Variants in HAS1 observed in about 807,000 individuals in gnomAD.
HAS1 encodes HA synthase 1.
A neutral mutation model predicts 35.0 loss-of-function variants in HAS1; 27 were observed. The ratio of observed to expected loss-of-function variants is 0.77; its 90% CI spans 0.57 to 1.06. The LOEUF is 1.06. HAS1 is among the 50% of genes least tolerant of loss of function. HAS1 has a pLI of 0.00. For synonymous variants in HAS1, 409 were observed against 371.2 expected, an observed-to-expected ratio of 1.10 and a Z score of -1.17; for missense variants, 940 against 814.8, an observed-to-expected ratio of 1.15 and a Z score of -1.87.
chr19:51,718,685 C>T (rs1396528780), intron 2 of HAS1, among the ~76,000 whole-genome samples: 3 of 152,274 alleles, frequency 2.0e-5, no homozygotes, highest in South Asian at 2.1e-4. Context: ...TATAGGCATT[C>T]GCCACCATGC....
intron 1 of HAS1, 52 bp from the exon 2 acceptor site, chr19:51,719,947 C>A (rs745493232): frequency 2.5e-6 from 3 of 1,217,302 alleles, no homozygotes; most frequent in Non-Finnish European, 3.4e-6. Flanking sequence ...GGCGCATGAG[C>A]CTCCTCCGAG....
chr19:51,715,516 T>A (rs1329282050), intron 4 of HAS1, among the ~76,000 whole-genome samples: 1 of 152,194 alleles, frequency 6.6e-6, no homozygotes, highest in Non-Finnish European at 1.5e-5. Context: ...TTCTACTTAT[T>A]TATTTCTTGT....
At chr19:51,722,274 C>T (rs2083636523) in intron 1 of HAS1, among the ~76,000 whole-genome samples, 4 of 152,116 alleles carry the variant, frequency 2.6e-5, no homozygotes, top group Admixed American at 6.5e-5. Flanking sequence ...TTACTTGATT[C>T]GGTTATTGGA....
At position 51,716,247 on chromosome 19, in the gene HAS1, T is replaced by C. The variant is rs2083585353; in HGVS notation, c.1058+9A>G. On this transcript the variant is annotated intron_variant, in intron 4 of 4. Transcript: ENST00000540069. ...ACACATACCCGACCACCTGGTCCCC[T>C]CAGCTTACTTGGTAGCATAACCCAT... 1.2e-6 allele frequency: 2 copies of C among 1,611,494 alleles called. No homozygotes were observed. Among genetic ancestry groups the C allele is most frequent in the East Asian group, 4.5e-5 (2 of 44,878 alleles).
In HAS1 at chr19:51,716,293, G is replaced by T. The variant is rs750817116; in HGVS notation, c.1021C>A (p.Leu341Ile). 11 of 1,613,864 alleles carry T rather than the reference G, an allele frequency of 6.8e-6. No homozygotes were observed. Among genetic ancestry groups the T allele is most frequent in the Middle Eastern group, 1.6e-4 (1 of 6,084 alleles). ...THCTFGDDRH[L>I]TNRMLSMGYA... ...CCCATGCTGAGCATGCGGTTGGTGA[G>T]GTGCCGGTCATCCCCAAAAGTACAG... The change falls in exon 4 of 5, where the codon CTC becomes ATC. Residue 341 changes from leucine (L) to isoleucine (I), a missense_variant. By Grantham distance (5) the Leu-to-Ile change is conservative. Transcript: ENST00000540069.
At chr19:51,714,820 A>G (rs1037950445) in intron 4 of HAS1, among the ~76,000 whole-genome samples, 2 of 152,096 alleles carry the variant, frequency 1.3e-5, no homozygotes, top group Non-Finnish European at 2.9e-5. Flanking sequence ...CGTTTTTACT[A>G]TGACTATTGC....
At chr19:51,723,049 C>T (rs575664421) in intron 1 of HAS1, among the ~76,000 whole-genome samples, 3 of 152,292 alleles carry the variant, frequency 2.0e-5, no homozygotes, top group East Asian at 3.9e-4. Context: ...CCTGGCCTTG[C>T]CTGAGTTCCT....
At position 51,713,648 on chromosome 19, in the gene HAS1, G is replaced by A; in HGVS notation, c.1513C>T (p.Leu505=). ...AGCAGCAGCAGCGCCCAGAGCGCCA[G>A]GGGCAGCAGAGGGACGTAGTTAGCG... The part of the protein sequence containing the change: ...LAANYVPLLP[L]ALWALLLLGG... The change falls in exon 5 of 5, where the codon CTG becomes TTG. Residue 505 remains leucine, a synonymous_variant. Coordinates refer to ENST00000540069, the MANE Select transcript of HAS1 (RefSeq NM_001297436.2). The surrounding 1 kb of genome is among the most constrained non-coding windows in gnomAD (Gnocchi z 4.5). 1 of 1,573,188 alleles carries A rather than the reference G, an allele frequency of 6.4e-7. No homozygotes were observed. Among genetic ancestry groups the A allele is most frequent in the Non-Finnish European group, 8.6e-7 (1 of 1,160,256 alleles).
At chr19:51,722,921 G>GGA (rs1440044249) in intron 1 of HAS1, among the ~76,000 whole-genome samples, 8 of 152,152 alleles carry the variant, frequency 5.3e-5, no homozygotes, top group African/African-American at 1.9e-4. Context: ...TTTTAAATTA[G>GGA]ATATTGTGGT....
At chr19:51,720,171 G>A (rs1310587336) in intron 1 of HAS1, among the ~76,000 whole-genome samples, 1 of 150,766 alleles carries the variant, frequency 6.6e-6, no homozygotes, top group Non-Finnish European at 1.5e-5. Flanking sequence ...CCAGCCTAGT[G>A]TCGCCATCTA....
In HAS1 at chr19:51,714,050, A is replaced by G; in HGVS notation, c.1111T>C (p.Trp371Arg). 6.2e-7 allele frequency: 1 copy of G among 1,613,854 alleles called. No individual in the cohort carries two copies. The highest frequency in any genetic ancestry group is 8.5e-7 in the Non-Finnish European group (1 of 1,179,908). ...YSETPSSFLR[W>R]LSQQTRWSKS... ...GACCAGCGTGTCTGCTGGCTCAGCC[A>G]CCGCAGGAAGGACGAGGGCGTCTCT... The change falls in exon 5 of 5, where the codon TGG (tryptophan) becomes CGG (arginine). Residue 371 changes from tryptophan to arginine, a missense_variant. Physicochemically the swap from Trp to Arg is moderately radical, Grantham distance 101 (BLOSUM62 -3). Coordinates refer to ENST00000540069, the MANE Select transcript of HAS1 (RefSeq NM_001297436.2).
chr19:51,719,663 G>GCCA lies in HAS1; in HGVS notation c.239_241dup (p.Val80dup), dbSNP rs1196522619. 6.5e-7 allele frequency: 1 copy of GCCA among 1,541,618 alleles called. No individual in the cohort carries two copies. Among genetic ancestry groups the GCCA allele is most frequent in the South Asian group, 1.2e-5 (1 of 83,688 alleles). On this transcript the variant is annotated inframe_insertion, in exon 2 of 5. Coordinates refer to ENST00000540069, the MANE Select transcript of HAS1 (RefSeq NM_001297436.2). ...ATCCAGCGGCCCCCGCGCCGCCGCC[G>GCCA]CCACCCGCCGGTGCTCCAGGTACGC...
Position 51,713,654 on chromosome 19 carries a change from G to A in HAS1, c.1507C>T (p.Leu503=), listed in dbSNP as rs2083558141. ...AGCAGCGCCCAGAGCGCCAGGGGCA[G>A]CAGAGGGACGTAGTTAGCGGCCAGC... ...RKLAANYVPL[L]PLALWALLLL... Residue 503 remains leucine (L), a synonymous_variant, in exon 5 of 5, where the codon CTG becomes TTG. Transcript: ENST00000540069. The surrounding 1 kb of genome is among the most constrained non-coding windows in gnomAD (Gnocchi z 4.5). The A allele has an allele frequency of 1.3e-6, 2 of 1,576,034 alleles. No homozygotes were observed. The highest frequency in any genetic ancestry group is 1.7e-6 in the Non-Finnish European group (2 of 1,161,938).
rs191873019 is a variant in HAS1, at chr19:51,716,299, G to A, written c.1015C>T (p.Arg339Trp). 56 of 1,613,828 alleles carry A rather than the reference G, an allele frequency of 3.5e-5. No individual in the cohort carries two copies. The highest frequency in any genetic ancestry group is 3.0e-4 in the Admixed American group (18 of 60,006). Residue 339 changes from arginine (R) to tryptophan (W), a missense_variant, in exon 4 of 5, where the codon CGG becomes TGG. Transcript: ENST00000540069. The stretch of plus-strand genomic sequence containing the variant: ...CTGAGCATGCGGTTGGTGAGGTGCC[G>A]GTCATCCCCAAAAGTACAGTGGGTA... ...LGTHCTFGDDRHLTNRMLSMG... is the reference protein window; with the variant it reads ...LGTHCTFGDDWHLTNRMLSMG...
intron 1 of HAS1, 73 bp from the exon 2 acceptor site, chr19:51,719,968 A>C: frequency 1.0e-6 from 1 of 992,140 alleles, no homozygotes; most frequent in Admixed American, 2.9e-5. Context: ...AGAAGATTAA[A>C]AATCCTTTCC....
intron 4 of HAS1, 88 bp downstream of exon 4, chr19:51,716,168 T>C: frequency 8.5e-7 from 1 of 1,175,354 alleles, no homozygotes; most frequent in Non-Finnish European, 1.2e-6. Flanking sequence ...GTGAGTTACT[T>C]TGGATTTGGA....
At chr19:51,717,752 A>C (rs2083597082) in intron 2 of HAS1, among the ~76,000 whole-genome samples, 1 of 152,116 alleles carries the variant, frequency 6.6e-6, no homozygotes, top group Non-Finnish European at 1.5e-5. Flanking sequence ...AGATAACCCC[A>C]AGCCTTAAAA....
In HAS1 at chr19:51,713,406, G is replaced by T; in HGVS notation, c.*21C>A. ...CTGGCCTCCCCTGAAGACCCTTGAG[G>T]CGGCATCCGCGTGGCTGGACTCACA... On this transcript the variant is annotated 3_prime_UTR_variant, in exon 5 of 5. Coordinates refer to ENST00000540069, the MANE Select transcript of HAS1 (RefSeq NM_001297436.2). The surrounding 1 kb of genome is among the most constrained non-coding windows in gnomAD (Gnocchi z 4.5). 6.8e-7 allele frequency: 1 copy of T among 1,477,534 alleles called. No homozygotes were observed. The allele number at this position is 1,477,534 out of a possible 1,614,324, so 91.5% of individuals were successfully genotyped here. A position where few individuals can be genotyped will look rare whatever the true frequency, so the allele number is the denominator to read the frequency against.
chr19:51,719,282 G>A lies in HAS1; in HGVS notation c.623C>T (p.Ala208Val). 6.2e-7 allele frequency: 1 copy of A among 1,611,480 alleles called. No homozygotes were observed. Among genetic ancestry groups the A allele is most frequent in the Non-Finnish European group, 8.5e-7 (1 of 1,179,110 alleles). ...CTCGCGCTTGCCGCCCCAGCGCTGC[G>A]CCACGCACACGCACCTGCGAGTCCT... ...LVRTRRCVCV[A>V]QRWGGKREVM... Residue 208 changes from alanine (A) to valine (V), a missense_variant, in exon 2 of 5, where the codon GCG (alanine) becomes GTG (valine). Transcript: ENST00000540069.
Sources: allele counts gnomAD v4.1 joint callset (sites outside exome capture counted in the v4.1 genomes callset), GRCh38; gene constraint gnomAD v4.1.1; non-coding constraint Gnocchi (gnomAD v3.1); transcripts MANE v1.5; gene names NCBI Gene and HGNC (gene_info 2026-07-23, HGNC 2026-07-21).